Variants in AAK1 observed in about 807,000 individuals in gnomAD.
AAK1 encodes AP2-associated protein kinase 1.
In AAK1, 37 loss-of-function variants were observed where a neutral mutation model predicts 116.0. The observed-to-expected ratio is 0.32, with a 90% CI of 0.25 to 0.42. AAK1 has a LOEUF of 0.42. Among genes scored for constraint, AAK1 ranks in the 10% least tolerant of loss-of-function variants. AAK1 has a pLI of 1.00. For missense variants in AAK1, 919 were observed against 1,170.6 expected (o/e 0.79, Z 3.14); for synonymous variants, 458 against 439.9 (o/e 1.04, Z -0.51).
At chr2:69,488,149 C>CGTGTGTGTGTGTGT (rs58575925) in intron 17 of AAK1, among the ~76,000 whole-genome samples, 1,905 of 144,624 alleles carry the variant, frequency 0.013, 45 homozygotes, top group African/African-American at 0.039. Flanking sequence ...TGTGTGTGGA[C>CGTGTGTGTGTGTGT]GTGTGTGTGT....
intron 13 of AAK1, among the ~76,000 whole-genome samples, chr2:69,510,227 G>A (rs1383677065): frequency 1.3e-5 from 2 of 152,084 alleles, no homozygotes; most frequent in African/African-American, 2.4e-5. Context: ...AGGCCCCAGC[G>A]TCTGTTGTTT....
rs10585161 is a variant in AAK1 at position 69,505,135 on chromosome 2, CCACA to C, written c.2269+430_2269+433del. ...CGTGCGTGCGTGTGCGCACACACACCCACACACACACACACACACACAGTTTAGA... is the reference window on the plus strand; with the variant it reads ...CGTGCGTGCGTGTGCGCACACACACCCACACACACACACACACAGTTTAGA... On this transcript the variant is annotated intron_variant, in intron 16 of 21. Coordinates refer to ENST00000409085, the MANE Select transcript of AAK1 (RefSeq NM_014911.5). 9.3e-3 allele frequency among the ~76,000 whole-genome samples: 1,304 copies of C among 139,608 alleles called. 14 individuals are homozygous for C. The highest frequency in any genetic ancestry group is 0.038 in the East Asian group (178 of 4,640). The allele number at this position is 139,608 out of a possible 152,430, so 91.6% of individuals were successfully genotyped here.
At chr2:69,601,941 G>A (rs1296231737) in intron 2 of AAK1, among the ~76,000 whole-genome samples, 3 of 152,192 alleles carry the variant, frequency 2.0e-5, no homozygotes, top group Non-Finnish European at 4.4e-5. Context: ...TTAACTAGAT[G>A]ATTTAGGTTG....
At position 69,466,443 on chromosome 2, in the gene AAK1, C is replaced by G; in HGVS notation, c.*9426G>C. ...TTCTAAGTTGTTCTGAGTCTTTGTG[C>G]CAGGTACTCTGGAGGGGTCTGGATA... is the stretch of plus-strand genomic sequence containing the variant. On this transcript the variant is annotated 3_prime_UTR_variant, in exon 22 of 22. Coordinates refer to ENST00000409085, the MANE Select transcript of AAK1 (RefSeq NM_014911.5). The G allele has an allele frequency of 7.8e-7, 1 of 1,289,304 alleles. No individual in the cohort carries two copies. The allele number at this position is 1,289,304 out of a possible 1,614,324, so 79.9% of individuals were successfully genotyped here.
intron 21 of AAK1, 38 bp from the exon 22 acceptor site, chr2:69,476,001 G>C (rs1674843837): frequency 6.3e-7 from 1 of 1,587,334 alleles, no homozygotes; most frequent in South Asian, 1.1e-5. Context: ...ACAAAACATA[G>C]AGGGTTAAGG....
intron 2 of AAK1, among the ~76,000 whole-genome samples, chr2:69,599,779 TTTG>T (rs1045861685): frequency 2.0e-5 from 3 of 147,876 alleles, no homozygotes; most frequent in Non-Finnish European, 2.9e-5. Flanking sequence ...TGTGTGTGTG[TTTG>T]TTGTTGTTGT....
chr2:69,640,049 ACACACT>A (rs1184133635), intron 2 of AAK1, among the ~76,000 whole-genome samples: 1,425 of 114,800 alleles, frequency 0.012, 6 homozygotes, highest in African/African-American at 0.041. Context: ...ACACACACAC[ACACACT>A]CTCTCTCTCT....
intron 5 of AAK1, among the ~76,000 whole-genome samples, chr2:69,536,240 G>T (rs577926445): frequency 2.0e-5 from 3 of 152,296 alleles, no homozygotes; most frequent in African/African-American, 7.2e-5. Flanking sequence ...GACCAGAGAA[G>T]CACACAGACA....
intron 2 of AAK1, among the ~76,000 whole-genome samples, chr2:69,599,173 G>T (rs1673441018): frequency 6.6e-6 from 1 of 152,140 alleles, no homozygotes; most frequent in African/African-American, 2.4e-5. Context: ...AAATATAAAA[G>T]AAGTGGTGGT....
At chr2:69,500,846 T>C (rs983808891) in intron 16 of AAK1, among the ~76,000 whole-genome samples, 3 of 151,352 alleles carry the variant, frequency 2.0e-5, no homozygotes, top group Admixed American at 2.0e-4. Flanking sequence ...CCATGTGTAA[T>C]AGATGAAAAC....
rs891145487 is a variant in AAK1, at chr2:69,460,427, A to G, written c.*15442T>C. On this transcript the variant is annotated 3_prime_UTR_variant, in exon 22 of 22. Coordinates refer to ENST00000409085, the MANE Select transcript of AAK1 (RefSeq NM_014911.5). Reference sequence around the variant, plus strand: ...TTGTCAGATCACTCTGATGATTATAATCTGCTACTTTGATTATGCATCAGT... The same window carrying G: ...TTGTCAGATCACTCTGATGATTATAGTCTGCTACTTTGATTATGCATCAGT... 6.6e-6 allele frequency: 1 copy of G among 152,644 alleles called. No individual in the cohort carries two copies. The highest frequency in any genetic ancestry group is 1.5e-5 in the Non-Finnish European group (1 of 68,034). The allele number at this position is 152,644 out of a possible 1,614,324, so 9.5% of individuals were successfully genotyped here.
intron 17 of AAK1, among the ~76,000 whole-genome samples, chr2:69,490,527 A>G (rs931652670): frequency 6.6e-6 from 1 of 152,200 alleles, no homozygotes; most frequent in African/African-American, 2.4e-5. Flanking sequence ...ATGAACCTTA[A>G]GGATATGATA....
At chr2:69,545,339 A>C (rs905604394) in intron 3 of AAK1, among the ~76,000 whole-genome samples, 2 of 152,226 alleles carry the variant, frequency 1.3e-5, no homozygotes, top group Non-Finnish European at 2.9e-5. Flanking sequence ...ATTCAAAACC[A>C]AGTAATTAAG....
At chr2:69,589,565 C>A (rs527479307) in intron 2 of AAK1, among the ~76,000 whole-genome samples, 1 of 152,048 alleles carries the variant, frequency 6.6e-6, no homozygotes, top group African/African-American at 2.4e-5. Flanking sequence ...AAAAATTAGC[C>A]GGGCTTGATG....
intron 16 of AAK1, among the ~76,000 whole-genome samples, chr2:69,502,417 T>C (rs1488010235): frequency 6.7e-6 from 1 of 150,164 alleles, no homozygotes; most frequent in Non-Finnish European, 1.5e-5. Flanking sequence ...AGGTCAGGAG[T>C]TCAAGACCAG....
At chr2:69,558,439 T>C (rs921054729) in intron 2 of AAK1, among the ~76,000 whole-genome samples, 1 of 152,052 alleles carries the variant, frequency 6.6e-6, no homozygotes, top group African/African-American at 2.4e-5. Flanking sequence ...CCTAACCTCA[T>C]CCTCACTCCT....
At chr2:69,640,079 T>TCCCC (rs568869134) in intron 2 of AAK1, among the ~76,000 whole-genome samples, 3 of 136,328 alleles carry the variant, frequency 2.2e-5, no homozygotes, top group Admixed American at 7.3e-5. Flanking sequence ...TCTCTCTCTC[T>TCCCC]CCCCCCCCAC....
chr2:69,632,074 C>G (rs1022123051), intron 2 of AAK1, among the ~76,000 whole-genome samples: 2 of 152,168 alleles, frequency 1.3e-5, no homozygotes, highest in Admixed American at 6.5e-5. Flanking sequence ...CAGCCAGTAT[C>G]ACCTTACAAG....
chr2:69,561,053 T>G (rs1671614194), intron 2 of AAK1, among the ~76,000 whole-genome samples: 1 of 152,198 alleles, frequency 6.6e-6, no homozygotes, highest in Non-Finnish European at 1.5e-5. Context: ...AACCCAAAAT[T>G]GTATGTGAAA....
Sources: gnomAD v4.1 joint callset for allele counts (sites outside exome capture counted in the v4.1 genomes callset) on GRCh38, gnomAD v4.1.1 for gene constraint, MANE v1.5 for transcripts, NCBI Gene and HGNC (gene_info 2026-07-23, HGNC 2026-07-21) for gene names.